Variants in KANSL1L observed in about 807,000 individuals in gnomAD.
The protein encoded by KANSL1L is KAT8 regulatory NSL complex subunit 1-like protein.
KANSL1L carries 25 observed loss-of-function variants against 108.6 expected under a neutral mutation model. That is an observed-to-expected ratio of 0.23 (90% CI 0.17 to 0.32). The LOEUF (loss-of-function observed/expected upper bound fraction) is 0.32, where lower values mean the gene tolerates loss of function less well. KANSL1L is among the 10% of genes least tolerant of loss of function. The pLI is 1.00. For synonymous variants in KANSL1L, 405 were observed against 395.1 expected (o/e 1.03, Z -0.30); for missense variants, 1,137 against 1,125.7 (o/e 1.01, Z -0.14).
At chr2:210,151,191 T>G (rs566405586) in intron 2 of KANSL1L, among the ~76,000 whole-genome samples, 6 of 152,174 alleles carry the variant, frequency 3.9e-5, no homozygotes, top group Non-Finnish European at 7.4e-5. Flanking sequence ...AATTTTTGTA[T>G]TATATTTTTT....
At chr2:210,051,427 T>C (rs900224309) in intron 6 of KANSL1L, among the ~76,000 whole-genome samples, 1 of 152,198 alleles carries the variant, frequency 6.6e-6, no homozygotes, top group Non-Finnish European at 1.5e-5. Context: ...ATATAGTCAA[T>C]TCTCAGAAAA....
chr2:210,169,673 G>GA (rs1208981851), intron 1 of KANSL1L, among the ~76,000 whole-genome samples: 1 of 152,234 alleles, frequency 6.6e-6, no homozygotes, highest in African/African-American at 2.4e-5. Context: ...CAGTTTGCGG[G>GA]AGAGAATAAT....
intron 5 of KANSL1L, among the ~76,000 whole-genome samples, chr2:210,094,037 G>A (rs190244381): frequency 1.3e-5 from 2 of 152,282 alleles, no homozygotes; most frequent in Admixed American, 1.3e-4. Flanking sequence ...TAAAGTGGTA[G>A]TGGCCAGGAG....
chr2:210,060,660 T>G (rs564513218), intron 6 of KANSL1L, among the ~76,000 whole-genome samples: 2 of 152,170 alleles, frequency 1.3e-5, no homozygotes, highest in East Asian at 1.9e-4. Flanking sequence ...TTACCAGAGA[T>G]TAGCAGGTCA....
intron 2 of KANSL1L, among the ~76,000 whole-genome samples, chr2:210,139,766 G>A (rs2095211313): frequency 6.9e-6 from 1 of 145,702 alleles, no homozygotes; most frequent in African/African-American, 2.6e-5. Context: ...TTTTGAGACA[G>A]GGTCTCTTTC....
chr2:210,118,071 C>A (rs1315546224), intron 3 of KANSL1L, among the ~76,000 whole-genome samples: 2 of 150,566 alleles, frequency 1.3e-5, no homozygotes, highest in Non-Finnish European at 2.9e-5. Context: ...GAGGCTGAGG[C>A]AGGAGAATCA....
rs367743896 is a variant in KANSL1L, at chr2:210,094,796, T to G, written c.1550+3290A>C. 5.3e-5 allele frequency among the ~76,000 whole-genome samples: 8 copies of G among 152,008 alleles called. No homozygotes were observed. In the East Asian group the frequency reaches 1.5e-3, roughly 29 times the overall value. On this transcript the variant is annotated intron_variant, in intron 5 of 14. Transcript: ENST00000281772. ...TTTTATAAGCATTAATTAAGTACTTTTCATTATAAACATATTTATAGTTAA... is the reference window on the plus strand; with the variant it reads ...TTTTATAAGCATTAATTAAGTACTTGTCATTATAAACATATTTATAGTTAA...
intron 3 of KANSL1L, among the ~76,000 whole-genome samples, 184 bp downstream of exon 3, chr2:210,128,847 T>A (rs2095092740): frequency 6.6e-6 from 1 of 152,176 alleles, no homozygotes; most frequent in Admixed American, 6.5e-5. Context: ...TATGATAAAA[T>A]GATCTTAAAA....
chr2:210,170,693 G>A (rs931089861), intron 1 of KANSL1L: 3 of 152,270 alleles, frequency 2.0e-5, no homozygotes, highest in Admixed American at 6.5e-5. Context: ...AAATCCAGTG[G>A]GCTCCGCCTC....
chr2:210,155,726 G>A (rs1336770445), intron 1 of KANSL1L, among the ~76,000 whole-genome samples: 1 of 152,034 alleles, frequency 6.6e-6, no homozygotes, highest in Non-Finnish European at 1.5e-5. Flanking sequence ...CATTATGAAG[G>A]CTGAATAGTT....
At chr2:210,157,788 A>C (rs1575638541) in intron 1 of KANSL1L, among the ~76,000 whole-genome samples, 1 of 149,542 alleles carries the variant, frequency 6.7e-6, no homozygotes, top group East Asian at 2.0e-4. Flanking sequence ...TAAGAGGTGG[A>C]TCGTTTGAGC....
At chr2:210,097,316 AAAT>A (rs1444348407) in intron 5 of KANSL1L, 1 of 752,290 alleles carries the variant, frequency 1.3e-6, no homozygotes, top group Non-Finnish European at 1.6e-6. Context: ...AAAGTTATTA[AAAT>A]AATAAATTAT....
chr2:210,098,098 C>A lies in KANSL1L; in HGVS notation c.1538G>T (p.Gly513Val), dbSNP rs1487407852. Reference protein sequence around the residue: ...KSCSHKCLANGIYRSASENLD... With the variant: ...KSCSHKCLANVIYRSASENLD... ...CATTGATACCTACCTCCTGTAAATGCCATTAGCCAGACATTTATGGCTACA... is the reference window on the plus strand; with the variant it reads ...CATTGATACCTACCTCCTGTAAATGACATTAGCCAGACATTTATGGCTACA... Residue 513 changes from glycine to valine, a missense_variant, in exon 5 of 15, where the codon GGC becomes GTC. Physicochemically the swap from Gly to Val is moderately radical, Grantham distance 109 (BLOSUM62 -3). This residue lies in a region of KANSL1L where 575 missense variants were observed against 567.1 expected (regional missense o/e 1.01). Coordinates refer to ENST00000281772, the MANE Select transcript of KANSL1L (RefSeq NM_152519.4). 3 of 1,608,170 alleles carry A rather than the reference C, an allele frequency of 1.9e-6. No homozygotes were observed. Among genetic ancestry groups the A allele is most frequent in the Middle Eastern group, 1.7e-4 (1 of 6,036 alleles).
chr2:210,168,329 A>C (rs1283333598), intron 1 of KANSL1L, among the ~76,000 whole-genome samples: 2 of 152,028 alleles, frequency 1.3e-5, no homozygotes, highest in Non-Finnish European at 2.9e-5. Flanking sequence ...TATAGACAAA[A>C]TAAGGGTATG....
At chr2:210,102,358 A>C (rs915213632) in intron 4 of KANSL1L, among the ~76,000 whole-genome samples, 9 of 152,304 alleles carry the variant, frequency 5.9e-5, no homozygotes, top group African/African-American at 1.9e-4. Flanking sequence ...AAAACCATAA[A>C]AACCCTAGAA....
chr2:210,161,023 C>T (rs2095358609), intron 1 of KANSL1L, among the ~76,000 whole-genome samples: 2 of 145,010 alleles, frequency 1.4e-5, no homozygotes. Flanking sequence ...GAGTTTCACT[C>T]TGTCGCCCAG....
chr2:210,055,421 G>C, intron 6 of KANSL1L, among the ~76,000 whole-genome samples: 1 of 152,174 alleles, frequency 6.6e-6, no homozygotes, highest in Non-Finnish European at 1.5e-5. Context: ...AGTGACTTTG[G>C]AACTGGGTAA....
At chr2:210,112,192 A>G (rs965028675) in intron 3 of KANSL1L, among the ~76,000 whole-genome samples, 3 of 152,218 alleles carry the variant, frequency 2.0e-5, no homozygotes, top group Non-Finnish European at 4.4e-5. Context: ...CGCTATAAAC[A>G]TACATGTACA....
intron 2 of KANSL1L, among the ~76,000 whole-genome samples, chr2:210,148,143 T>A (rs1377413618): frequency 1.3e-5 from 2 of 152,116 alleles, no homozygotes; most frequent in Admixed American, 6.6e-5. Flanking sequence ...ATAGTGGGAT[T>A]TTTTTTCCCC....
Sources: allele counts gnomAD v4.1 joint callset (sites outside exome capture counted in the v4.1 genomes callset), GRCh38; gene constraint gnomAD v4.1.1; regional missense constraint gnomAD v4.1.1; transcripts MANE v1.5; gene names NCBI Gene and HGNC (gene_info 2026-07-23, HGNC 2026-07-21).